Variants in LCN2 observed in about 807,000 individuals in gnomAD.
LCN2 encodes lipocalin 2.
A neutral mutation model predicts 26.4 loss-of-function variants in LCN2; 27 were observed. The observed-to-expected ratio is 1.02, with a 90% CI of 0.76 to 1.41. The LOEUF is 1.41. LCN2 is among the 40% of genes most tolerant of loss of function. LCN2 has a pLI of 0.00. For synonymous variants in LCN2, 94 were observed against 98.9 expected (o/e 0.95, Z 0.30); for missense variants, 224 against 237.6 (o/e 0.94, Z 0.38).
chr9:128,153,223 C>T lies in LCN2; in HGVS notation c.*8-88C>T. The T allele has an allele frequency of 7.1e-7, 1 of 1,407,484 alleles. No individual in the cohort carries two copies. Among genetic ancestry groups the T allele is most frequent in the Non-Finnish European group, 1.0e-6 (1 of 996,914 alleles). The allele number at this position is 1,407,484 out of a possible 1,614,324, so 87.2% of individuals were successfully genotyped here. ...TGCCTTTGCTCATCCCCCTGCCCCC[C>T]AGCACTGCTGCTGTCTTTATTCTGC... On this transcript the variant is annotated intron_variant, in intron 6 of 6. Transcript: ENST00000277480. The surrounding 1 kb of genome is among the most constrained non-coding windows in gnomAD (Gnocchi z 5.4).
intron 5 of LCN2, 26 bp downstream of exon 5, chr9:128,152,310 C>CG (rs1564225712): frequency 1.3e-6 from 2 of 1,588,468 alleles, no homozygotes; most frequent in Non-Finnish European, 1.7e-6. Flanking sequence ...GATGAGGGGA[C>CG]GGGGACATGG....
chr9:128,152,211 A>G lies in LCN2; in HGVS notation c.504A>G (p.Leu168=), dbSNP rs1835015688. Reference sequence around the variant, plus strand: ...GAACCAAGGAGCTGACTTCGGAACTAAAGGAGAACTTCATCCGCTTCTCCA... The same window carrying G: ...GAACCAAGGAGCTGACTTCGGAACTGAAGGAGAACTTCATCCGCTTCTCCA... The part of the protein sequence containing the change: ...YGRTKELTSE[L]KENFIRFSKS... Residue 168 remains leucine (L), a synonymous_variant, in exon 5 of 7, where the codon CTA becomes CTG. Transcript: ENST00000277480. 1.9e-6 allele frequency: 3 copies of G among 1,614,114 alleles called. No homozygotes were observed. The highest frequency in any genetic ancestry group is 4.5e-5 in the East Asian group (2 of 44,882).
intron 3 of LCN2, 85 bp from the exon 4 acceptor site, chr9:128,151,821 C>G (rs1835009912): frequency 1.9e-6 from 3 of 1,599,792 alleles, no homozygotes; most frequent in African/African-American, 1.3e-5. Flanking sequence ...TGGGGAGAAG[C>G]CCACGTTGAT....
At chr9:128,150,665 T>C (rs1280905324) in intron 2 of LCN2, 4 of 585,184 alleles carry the variant, frequency 6.8e-6, no homozygotes, top group Non-Finnish European at 1.3e-5. Flanking sequence ...CCCAGTGCCT[T>C]CATGGAAGGC....
At position 128,150,318 on chromosome 9, in the gene LCN2, C is replaced by T. The variant is rs1221673490; in HGVS notation, c.219C>T (p.Ala73=). The T allele has an allele frequency of 6.2e-7, 1 of 1,614,144 alleles. No homozygotes were observed. The highest frequency in any genetic ancestry group is 1.7e-5 in the Admixed American group (1 of 60,024). Reference sequence around the variant, plus strand: ...ACAAAGACCCGCAAAAGATGTATGCCACCATCTATGAGCTGAAAGAAGACA... The same window carrying T: ...ACAAAGACCCGCAAAAGATGTATGCTACCATCTATGAGCTGAAAGAAGACA... ...REDKDPQKMY[A]TIYELKEDKS... Residue 73 remains alanine, a synonymous_variant, in exon 2 of 7, where the codon GCC becomes GCT. Coordinates refer to ENST00000277480, the MANE Select transcript of LCN2 (RefSeq NM_005564.5).
In LCN2 at chr9:128,149,546, G is replaced by T. The variant is rs1217418447; in HGVS notation, c.21G>T (p.Trp7Cys). 1.2e-6 allele frequency: 2 copies of T among 1,613,142 alleles called. No individual in the cohort carries two copies. Among genetic ancestry groups the T allele is most frequent in the South Asian group, 1.1e-5 (1 of 91,022 alleles). MPLGLL[W>C]LGLALLGALH... ...AAATCATGCCCCTAGGTCTCCTGTG[G>T]CTGGGCCTAGCCCTGTTGGGGGCTC... The change falls in exon 1 of 7, where the codon TGG (tryptophan) becomes TGT (cysteine). Residue 7 changes from tryptophan (W) to cysteine (C), a missense_variant. Physicochemically the swap from Trp to Cys is radical, Grantham distance 215. Coordinates refer to ENST00000277480, the MANE Select transcript of LCN2 (RefSeq NM_005564.5).
intron 5 of LCN2, 144 bp downstream of exon 5, chr9:128,152,428 C>T (rs1829142826): frequency 2.9e-6 from 2 of 693,262 alleles, no homozygotes; most frequent in East Asian, 5.4e-5. Context: ...CCTTGGAAGC[C>T]ACTCTGGGCC....
rs1475602967 is a variant in LCN2, at chr9:128,151,624, C to T, written c.276-14C>T. The T allele has an allele frequency of 2.1e-5, 34 of 1,612,504 alleles. No homozygotes were observed. The highest frequency in any genetic ancestry group is 2.8e-5 in the Non-Finnish European group (33 of 1,178,562). On this transcript the variant is annotated splice_polypyrimidine_tract_variant and intron_variant, in intron 2 of 6. Coordinates refer to ENST00000277480, the MANE Select transcript of LCN2 (RefSeq NM_005564.5). The stretch of plus-strand genomic sequence containing the variant: ...GTTGTCTCCCCTCTCACCCACCCAT[C>T]TCTCCCTCCCAAGGAAAAAGAAGTG...
Position 128,153,247 on chromosome 9 carries a change from G to T in LCN2, c.*8-64G>T. The stretch of plus-strand genomic sequence containing the variant: ...CCAGCACTGCTGCTGTCTTTATTCT[G>T]CTGTCCCCATCTCGGGTGCCTCCCA... On this transcript the variant is annotated intron_variant, in intron 6 of 6. Transcript: ENST00000277480. This position sits in a 1 kb window ranked among gnomAD's most constrained non-coding sequence, Gnocchi z 5.4. 2 of 1,220,990 alleles carry T rather than the reference G, an allele frequency of 1.6e-6. No individual in the cohort carries two copies. The highest frequency in any genetic ancestry group is 2.4e-6 in the Non-Finnish European group (2 of 832,706). The allele number at this position is 1,220,990 out of a possible 1,614,324, so 75.6% of individuals were successfully genotyped here. A position where few individuals can be genotyped will look rare whatever the true frequency, so the allele number is the denominator to read the frequency against.
chr9:128,152,919 A>G (rs900689192), intron 5 of LCN2, among the ~76,000 whole-genome samples, 181 bp from the exon 6 acceptor site: 1 of 151,934 alleles, frequency 6.6e-6, no homozygotes, highest in African/African-American at 2.4e-5. Flanking sequence ...CTGCCCTGCC[A>G]TCCACCCCTC....
At chr9:128,151,487 G>A (rs1306128639) in intron 2 of LCN2, 151 bp from the exon 3 acceptor site, 1 of 669,500 alleles carries the variant, frequency 1.5e-6, no homozygotes, top group East Asian at 2.7e-5. Flanking sequence ...GTGGGGTAGG[G>A]CCCCTCCAGG....
At chr9:128,152,051 G>A in intron 4 of LCN2, 26 bp downstream of exon 4, 1 of 1,613,912 alleles carries the variant, frequency 6.2e-7, no homozygotes. Context: ...TCCCCTCGGG[G>A]ACTGGCTCCT....
Position 128,149,462 on chromosome 9 carries a change from C to T in LCN2, c.-64C>T. 2 of 1,490,898 alleles carry T rather than the reference C, an allele frequency of 1.3e-6. No individual in the cohort carries two copies. The highest frequency in any genetic ancestry group is 2.8e-5 in the South Asian group (2 of 72,448). The allele number at this position is 1,490,898 out of a possible 1,614,324, so 92.4% of individuals were successfully genotyped here. A position where few individuals can be genotyped will look rare whatever the true frequency, so the allele number is the denominator to read the frequency against. On this transcript the variant is annotated 5_prime_UTR_variant, in exon 1 of 7. Coordinates refer to ENST00000277480, the MANE Select transcript of LCN2 (RefSeq NM_005564.5). Reference sequence around the variant, plus strand: ...CCCAGGTGAGCCTCTCACTCGCCACCTCCTCTTCCACCCCTGCCAGGCCCA... The same window carrying T: ...CCCAGGTGAGCCTCTCACTCGCCACTTCCTCTTCCACCCCTGCCAGGCCCA...
chr9:128,152,970 G>A (rs2130878789), intron 5 of LCN2, 130 bp from the exon 6 acceptor site: 1 of 1,281,306 alleles, frequency 7.8e-7, no homozygotes, highest in Non-Finnish European at 1.1e-6. Context: ...ATCTTCTGCA[G>A]CTGGGCCAGG....
At position 128,153,406 on chromosome 9, in the gene LCN2, C is replaced by T. The variant is rs368437949; in HGVS notation, c.*103C>T. ...CATGCAGCTGCTCCCCAGGCCACCC[C>T]GCTGATGGAGCCCCACCTTGTCTGC... On this transcript the variant is annotated 3_prime_UTR_variant, in exon 7 of 7. Coordinates refer to ENST00000277480, the MANE Select transcript of LCN2 (RefSeq NM_005564.5). This position sits in a 1 kb window ranked among gnomAD's most constrained non-coding sequence, Gnocchi z 5.4. The T allele has an allele frequency of 2.2e-4, 119 of 552,836 alleles. No homozygotes were observed. Among genetic ancestry groups the T allele is most frequent in the African/African-American group, 1.6e-3 (85 of 52,852 alleles). The allele number at this position is 552,836 out of a possible 1,614,324, so 34.2% of individuals were successfully genotyped here. A position where few individuals can be genotyped will look rare whatever the true frequency, so the allele number is the denominator to read the frequency against.
chr9:128,152,341 TTCCC>T (rs1292207725), intron 5 of LCN2, 57 bp downstream of exon 5: 1 of 1,472,200 alleles, frequency 6.8e-7, no homozygotes, highest in Non-Finnish European at 9.5e-7. Context: ...GGCAGGATGC[TTCCC>T]TACCAGGGAT....
chr9:128,153,426 G>A lies in LCN2; in HGVS notation c.*123G>A. On this transcript the variant is annotated 3_prime_UTR_variant, in exon 7 of 7. Coordinates refer to ENST00000277480, the MANE Select transcript of LCN2 (RefSeq NM_005564.5). This position sits in a 1 kb window ranked among gnomAD's most constrained non-coding sequence, Gnocchi z 5.4. ...CACCCCGCTGATGGAGCCCCACCTT[G>A]TCTGCTAAATAAACATGTGCCCTCA... The A allele has an allele frequency of 5.7e-6, 3 of 522,312 alleles. No individual in the cohort carries two copies. The South Asian group carries it at 6.0e-5, about 11-fold the overall frequency. 32.4% of individuals were successfully genotyped at this position (522,312 alleles called of 1,614,324 possible).
Position 128,153,411 on chromosome 9 carries a change from A to T in LCN2, c.*108A>T. ...AGCTGCTCCCCAGGCCACCCCGCTG[A>T]TGGAGCCCCACCTTGTCTGCTAAAT... On this transcript the variant is annotated 3_prime_UTR_variant, in exon 7 of 7. Coordinates refer to ENST00000277480, the MANE Select transcript of LCN2 (RefSeq NM_005564.5). The surrounding 1 kb of genome is among the most constrained non-coding windows in gnomAD (Gnocchi z 5.4). 1 of 545,492 alleles carries T rather than the reference A, an allele frequency of 1.8e-6. No individual in the cohort carries two copies. The highest frequency in any genetic ancestry group is 3.2e-5 in the East Asian group (1 of 31,688). The allele number at this position is 545,492 out of a possible 1,614,324, so 33.8% of individuals were successfully genotyped here.
rs369505561 is a variant in LCN2, at chr9:128,151,252, C to T, written c.276-386C>T. 3.0e-4 allele frequency among the ~76,000 whole-genome samples: 46 copies of T among 151,852 alleles called. No individual in the cohort carries two copies. The South Asian group carries it at 3.5e-3, about 12-fold the overall frequency. ...GACTGGAAGTACCGAGGTGGATCCC[C>T]GGGAGAGGGTATAGGAAGGGAAGCA... On this transcript the variant is annotated intron_variant, in intron 2 of 6. Transcript: ENST00000277480.
Sources: gnomAD v4.1 joint callset for allele counts (sites outside exome capture counted in the v4.1 genomes callset) on GRCh38, gnomAD v4.1.1 for gene constraint, Gnocchi (gnomAD v3.1) non-coding constraint, MANE v1.5 for transcripts, NCBI Gene and HGNC (gene_info 2026-07-23, HGNC 2026-07-21) for gene names.